The following ERBB4 variants were observed in gnomAD, a reference collection of about 807,000 sequenced individuals.
The protein encoded by ERBB4 is receptor tyrosine-protein kinase erbB-4.
In ERBB4, 42 loss-of-function variants were observed where a neutral mutation model predicts 158.0. That is an observed-to-expected ratio of 0.27 (90% confidence interval 0.21 to 0.34). ERBB4 has a LOEUF of 0.34. Among genes scored for constraint, ERBB4 ranks in the 10% least tolerant of loss-of-function variants. The pLI, the probability that ERBB4 is intolerant of heterozygous loss-of-function variation, is 1.00. For synonymous variants in ERBB4, 583 were observed against 558.7 expected, an observed-to-expected ratio of 1.04 and a Z score of -0.61; for missense variants, 1,333 against 1,624.1, an observed-to-expected ratio of 0.82 and a Z score of 3.08.
At chr2:211,606,847 G>A (rs2068999116) in intron 19 of ERBB4, among the ~76,000 whole-genome samples, 1 of 152,062 alleles carries the variant, frequency 6.6e-6, no homozygotes. Context: ...TATTTTAAAG[G>A]CACTGGGTGC....
intron 1 of ERBB4, among the ~76,000 whole-genome samples, chr2:212,204,651 T>G (rs2082683474): frequency 6.6e-6 from 1 of 151,052 alleles, no homozygotes; most frequent in South Asian, 2.1e-4. Flanking sequence ...GAGTTGAGAT[T>G]GTGCCATTGC....
intron 3 of ERBB4, among the ~76,000 whole-genome samples, chr2:211,884,576 A>G (rs1207603295): frequency 2.0e-5 from 3 of 152,204 alleles, no homozygotes; most frequent in African/African-American, 7.2e-5. Context: ...GAACCCCTAG[A>G]TGTTAAAACA....
chr2:211,798,171 T>C (rs989192365), intron 3 of ERBB4, among the ~76,000 whole-genome samples: 3 of 152,062 alleles, frequency 2.0e-5, no homozygotes, highest in African/African-American at 7.2e-5. Context: ...GAAGTCAGCA[T>C]AGAAAGTCAG....
At position 211,387,116 on chromosome 2, in the gene ERBB4, G is replaced by T. The variant is rs770705502; in HGVS notation, c.3218C>A (p.Ala1073Asp). ...QFVYRDGGFA[A>D]EQGVSVPYRA... Reference sequence around the variant, plus strand: ...GTAGGGCACAGACACTCCTTGTTCAGCAGCAAAACCTCCATCTCGGTATAC... The same window carrying T: ...GTAGGGCACAGACACTCCTTGTTCATCAGCAAAACCTCCATCTCGGTATAC... The change falls in exon 27 of 28, where the codon GCT (alanine) becomes GAT (aspartate). Residue 1073 changes from alanine (A) to aspartate (D), a missense_variant. Ala to Asp is a moderately radical substitution (Grantham distance 126, BLOSUM62 -2). Coordinates refer to ENST00000342788, the MANE Select transcript of ERBB4 (RefSeq NM_005235.3). 2.5e-6 allele frequency: 4 copies of T among 1,613,936 alleles called. No homozygotes were observed. The highest frequency in any genetic ancestry group is 3.4e-6 in the Non-Finnish European group (4 of 1,179,802).
At chr2:211,530,028 A>T (rs2066453155) in intron 20 of ERBB4, among the ~76,000 whole-genome samples, 1 of 152,094 alleles carries the variant, frequency 6.6e-6, no homozygotes, top group African/African-American at 2.4e-5. Context: ...AATAAATAAA[A>T]AGCTCCAAAT....
intron 3 of ERBB4, among the ~76,000 whole-genome samples, chr2:211,930,497 C>T (rs1349105308): frequency 6.6e-6 from 1 of 152,088 alleles, no homozygotes. Flanking sequence ...CCCAAGCTTC[C>T]TGTGGTTACC....
intron 1 of ERBB4, among the ~76,000 whole-genome samples, chr2:212,263,505 C>T (rs1375813003): frequency 5.3e-5 from 8 of 152,174 alleles, no homozygotes; most frequent in South Asian, 2.1e-4. Context: ...CACCAAATTG[C>T]GTTTTTGCAG....
intron 1 of ERBB4, among the ~76,000 whole-genome samples, chr2:212,155,086 C>CTACACTGCAT (rs1168958234): frequency 1.3e-5 from 2 of 152,232 alleles, no homozygotes; most frequent in Non-Finnish European, 2.9e-5. Flanking sequence ...TGTCACAGGA[C>CTACACTGCAT]TACACTGCAT....
chr2:211,635,177 C>A (rs2070312492), intron 16 of ERBB4, among the ~76,000 whole-genome samples: 1 of 152,160 alleles, frequency 6.6e-6, no homozygotes, highest in East Asian at 1.9e-4. Context: ...AAGATCAAGT[C>A]CAAGCTTAGA....
intron 19 of ERBB4, among the ~76,000 whole-genome samples, chr2:211,570,325 C>T (rs979007927): frequency 3.0e-4 from 32 of 105,208 alleles, no homozygotes; most frequent in South Asian, 1.0e-3. Flanking sequence ...CTAATTTTTG[C>T]TTTTTTTTTT....
chr2:212,061,077 T>C (rs1032733412), intron 2 of ERBB4, among the ~76,000 whole-genome samples: 10 of 151,852 alleles, frequency 6.6e-5, no homozygotes, highest in African/African-American at 1.7e-4. Context: ...GCTTAGTCTG[T>C]AGGAGTGAAA....
intron 3 of ERBB4, among the ~76,000 whole-genome samples, chr2:211,944,208 A>ATAG (rs1559155374): frequency 1.0e-4 from 2 of 19,464 alleles, no homozygotes; most frequent in African/African-American, 3.5e-4. Flanking sequence ...TACTATATAT[A>ATAG]TATATACACA....
chr2:212,391,672 TTA>T (rs1204373837), intron 1 of ERBB4, among the ~76,000 whole-genome samples: 4 of 129,434 alleles, frequency 3.1e-5, no homozygotes, highest in African/African-American at 5.9e-5. Flanking sequence ...GTATTATATT[TTA>T]TATATATTAT....
intron 12 of ERBB4, among the ~76,000 whole-genome samples, chr2:211,696,151 C>T (rs1349581543): frequency 6.6e-6 from 1 of 150,392 alleles, no homozygotes; most frequent in East Asian, 2.0e-4. Flanking sequence ...CACTTTGTTG[C>T]CCAGGCTGAA....
At chr2:212,162,725 C>T (rs1267679830) in intron 1 of ERBB4, among the ~76,000 whole-genome samples, 1 of 151,784 alleles carries the variant, frequency 6.6e-6, no homozygotes, top group Non-Finnish European at 1.5e-5. Flanking sequence ...AATGTGATAG[C>T]ACAAGTACAA....
At chr2:211,798,603 A>G (rs2076432592) in intron 3 of ERBB4, among the ~76,000 whole-genome samples, 2 of 152,258 alleles carry the variant, frequency 1.3e-5, no homozygotes, top group East Asian at 1.9e-4. Context: ...AAAATAAGTT[A>G]ATAATATAGT....
At chr2:212,017,626 C>T (rs983038715) in intron 2 of ERBB4, among the ~76,000 whole-genome samples, 2 of 152,062 alleles carry the variant, frequency 1.3e-5, no homozygotes, top group African/African-American at 4.8e-5. Flanking sequence ...TTTCCTTGGG[C>T]ATTTTTAGGA....
At chr2:211,813,928 T>C (rs893999323) in intron 3 of ERBB4, among the ~76,000 whole-genome samples, 12 of 152,114 alleles carry the variant, frequency 7.9e-5, no homozygotes, top group African/African-American at 2.9e-4. Flanking sequence ...TAAATGAATA[T>C]TTGTGGGAGT....
chr2:212,041,487 C>A (rs1482352889), intron 2 of ERBB4, among the ~76,000 whole-genome samples: 1 of 151,642 alleles, frequency 6.6e-6, no homozygotes, highest in East Asian at 1.9e-4. Context: ...ATTTAATTTT[C>A]AGCCAGCTTA....
Sources: gnomAD v4.1 joint callset for allele counts (sites outside exome capture counted in the v4.1 genomes callset) on GRCh38, gnomAD v4.1.1 for gene constraint, MANE v1.5 for transcripts, NCBI Gene and HGNC (gene_info 2026-07-23, HGNC 2026-07-21) for gene names.